NTM: variants seen among roughly 807,000 people sequenced by gnomAD.
NTM encodes the protein IgLON family member 2.
NTM carries 13 observed loss-of-function variants against 42.1 expected under a neutral mutation model. That is an observed-to-expected ratio of 0.31 (90% CI 0.20 to 0.49). The LOEUF is 0.49. Among genes scored for constraint, NTM ranks in the 20% least tolerant of loss-of-function variants. The probability of loss-of-function intolerance (pLI) is 0.99; values close to 1 mark genes in which losing one functional copy is unlikely to be tolerated. For missense variants in NTM, 373 were observed against 452.8 expected, an observed-to-expected ratio of 0.82 and a Z score of 1.60; for synonymous variants, 187 against 179.2, an observed-to-expected ratio of 1.04 and a Z score of -0.35.
chr11:131,789,630 A>AG (rs2090450442), intron 1 of NTM, among the ~76,000 whole-genome samples: 1 of 86,948 alleles, frequency 1.2e-5, no homozygotes, highest in African/African-American at 4.8e-5. Flanking sequence ...AAGAAGAAGA[A>AG]GAAGAAAAGA....
chr11:132,317,182 A>G (rs183758659), intron 7 of NTM, among the ~76,000 whole-genome samples: 2 of 152,098 alleles, frequency 1.3e-5, no homozygotes, highest in South Asian at 4.1e-4. Context: ...GGGGCCTCTG[A>G]GAGTTCTGCT....
rs555615901 is a variant in NTM at position 131,468,324 on chromosome 11, A to G, written c.82+97436A>G. 4.6e-5 allele frequency among the ~76,000 whole-genome samples: 7 copies of G among 152,366 alleles called. No homozygotes were observed. In the East Asian group the frequency reaches 1.2e-3, roughly 25 times the overall value. On this transcript the variant is annotated intron_variant, in intron 1 of 8. Coordinates refer to ENST00000683400, the MANE Select transcript of NTM (RefSeq NM_001352005.2). ...ATTCCGCATGCAGCCTCACTTGCAG[A>G]TAATGTGAATGGTTGAGGAATTAAA...
chr11:132,131,478 G>T lies in NTM; in HGVS notation c.168-14804G>T, dbSNP rs551186226. On this transcript the variant is annotated intron_variant, in intron 2 of 8. Coordinates refer to ENST00000683400, the MANE Select transcript of NTM (RefSeq NM_001352005.2). ...CAGAATTGCCATATGGGCTGGCAAA[G>T]GTTATGATGGAACCCTACGAAAGTG... 2.6e-5 allele frequency among the ~76,000 whole-genome samples: 4 copies of T among 152,344 alleles called. No homozygotes were observed. The East Asian group carries it at 7.7e-4, about 29-fold the overall frequency.
At chr11:132,025,815 G>A (rs750265735) in intron 2 of NTM, among the ~76,000 whole-genome samples, 78 of 152,144 alleles carry the variant, frequency 5.1e-4, no homozygotes, top group Non-Finnish European at 9.8e-4. Flanking sequence ...GGCTCCATTG[G>A]CACTTACTAA....
At chr11:132,108,926 C>T (rs1591565962) in intron 2 of NTM, among the ~76,000 whole-genome samples, 1 of 152,106 alleles carries the variant, frequency 6.6e-6, no homozygotes, top group Non-Finnish European at 1.5e-5. Context: ...CATTGTTCAA[C>T]TCCCACTTAT....
At chr11:132,257,035 G>A (rs1270120942) in intron 4 of NTM, among the ~76,000 whole-genome samples, 1 of 152,214 alleles carries the variant, frequency 6.6e-6, no homozygotes, top group Non-Finnish European at 1.5e-5. Context: ...GGTCTGCAAA[G>A]CAACTCGCTG....
chr11:131,660,527 G>A (rs570212367), intron 1 of NTM: 100 of 457,580 alleles, frequency 2.2e-4, no homozygotes, highest in South Asian at 1.5e-3. Flanking sequence ...CTGACCCTGG[G>A]TCCCATCTCT....
intron 4 of NTM, among the ~76,000 whole-genome samples, chr11:132,227,755 G>C (rs546961404): frequency 1.3e-5 from 2 of 152,144 alleles, no homozygotes; most frequent in Non-Finnish European, 2.9e-5. Context: ...TAAAGCAATT[G>C]ACTGTGGCTG....
chr11:131,612,692 C>T (rs572093934), intron 1 of NTM, among the ~76,000 whole-genome samples: 46 of 152,312 alleles, frequency 3.0e-4, no homozygotes, highest in African/African-American at 7.7e-4. Context: ...GAACTACTGA[C>T]GACAGCGTGC....
At chr11:131,880,713 G>A (rs535616847) in intron 1 of NTM, among the ~76,000 whole-genome samples, 18 of 152,160 alleles carry the variant, frequency 1.2e-4, no homozygotes, top group African/African-American at 3.1e-4. Context: ...TGCCTCCGGC[G>A]TTCAATTTAT....
chr11:131,592,797 A>G (rs1382981121), intron 1 of NTM, among the ~76,000 whole-genome samples: 2 of 151,884 alleles, frequency 1.3e-5, no homozygotes, highest in Non-Finnish European at 2.9e-5. Context: ...ACACTCCCCA[A>G]GCTGCAGTCC....
In NTM at chr11:131,795,672, A is replaced by G. The variant is rs899348875; in HGVS notation, c.83-115892A>G. On this transcript the variant is annotated intron_variant, in intron 1 of 8. Transcript: ENST00000683400. ...GTACAGTGCCAGTGCCCATAAGTTCAGGGCGAACAGCAGATATTTACGGCA... is the reference window on the plus strand; with the variant it reads ...GTACAGTGCCAGTGCCCATAAGTTCGGGGCGAACAGCAGATATTTACGGCA... The G allele has an allele frequency of 9.1e-6, 9 of 985,306 alleles. No homozygotes were observed. In the African/African-American group the frequency reaches 1.6e-4, roughly 17 times the overall value. 61.0% of individuals were successfully genotyped at this position (985,306 alleles called of 1,614,324 possible). A position where few individuals can be genotyped will look rare whatever the true frequency, so the allele number is the denominator to read the frequency against.
At chr11:132,260,569 G>A (rs755033583) in intron 4 of NTM, among the ~76,000 whole-genome samples, 9 of 152,278 alleles carry the variant, frequency 5.9e-5, no homozygotes, top group Non-Finnish European at 1.0e-4. Context: ...TATTAATATG[G>A]CACTCAGTGT....
At chr11:131,836,926 T>TATTA (rs1457220182) in intron 1 of NTM, among the ~76,000 whole-genome samples, 7 of 152,234 alleles carry the variant, frequency 4.6e-5, no homozygotes, top group African/African-American at 1.7e-4. Flanking sequence ...ACAAATCCAT[T>TATTA]GTGTGATTAG....
intron 1 of NTM, chr11:131,660,654 C>A: frequency 2.2e-6 from 1 of 448,268 alleles, no homozygotes; most frequent in Non-Finnish European, 4.5e-6. Flanking sequence ...TTATTCCTTC[C>A]TGACCTTTCA....
intron 6 of NTM, among the ~76,000 whole-genome samples, chr11:132,312,941 G>T (rs1446796466): frequency 6.6e-6 from 1 of 152,178 alleles, no homozygotes; most frequent in African/African-American, 2.4e-5. Flanking sequence ...ATTGCCCCTA[G>T]CGTTTGGAGA....
At chr11:131,525,041 A>G (rs1478479635) in intron 1 of NTM, among the ~76,000 whole-genome samples, 1 of 151,816 alleles carries the variant, frequency 6.6e-6, no homozygotes, top group Non-Finnish European at 1.5e-5. Flanking sequence ...GTAATTTCTG[A>G]ATGGAGTAAG....
chr11:131,492,802 G>A (rs1272456141), intron 1 of NTM, among the ~76,000 whole-genome samples: 1 of 152,182 alleles, frequency 6.6e-6, no homozygotes, highest in Non-Finnish European at 1.5e-5. Flanking sequence ...TGAGCACTGA[G>A]TATACGCAGA....
chr11:131,941,734 ATTATTGGG>A (rs2059813234), intron 2 of NTM, among the ~76,000 whole-genome samples: 1 of 152,216 alleles, frequency 6.6e-6, no homozygotes, highest in African/African-American at 2.4e-5. Flanking sequence ...GACTCTTGTT[ATTATTGGG>A]TAACAGATAT....
Sources: gnomAD v4.1 joint callset for allele counts (sites outside exome capture counted in the v4.1 genomes callset) on GRCh38, gnomAD v4.1.1 for gene constraint, MANE v1.5 for transcripts, NCBI Gene and HGNC (gene_info 2026-07-23, HGNC 2026-07-21) for gene names.